The following EFCAB13 variants were observed in gnomAD, a reference collection of about 807,000 sequenced individuals.
EFCAB13 encodes the protein EF-hand calcium binding domain 13.
A neutral mutation model predicts 110.2 loss-of-function variants in EFCAB13; 91 were observed. The ratio of observed to expected loss-of-function variants is 0.83; its 90% confidence interval spans 0.70 to 0.98. The LOEUF is 0.98. Ranked by LOEUF, EFCAB13 falls within the 50% of genes least tolerant of loss-of-function variation. The pLI, the probability that EFCAB13 is intolerant of heterozygous loss-of-function variation, is 0.00. For synonymous variants in EFCAB13, 323 were observed against 369.9 expected, an observed-to-expected ratio of 0.87 and a Z score of 1.45; for missense variants, 968 against 1,119.4, an observed-to-expected ratio of 0.86 and a Z score of 1.93.
At chr17:47,357,677 A>C (rs1457078855) in intron 9 of EFCAB13, among the ~76,000 whole-genome samples, 1 of 152,220 alleles carries the variant, frequency 6.6e-6, no homozygotes, top group African/African-American at 2.4e-5. Flanking sequence ...GGCCTCCCAA[A>C]GTTCTGGGAT....
intron 23 of EFCAB13, 115 bp downstream of exon 23, chr17:47,415,034 A>T (rs1187793388): frequency 1.5e-6 from 1 of 685,128 alleles, no homozygotes; most frequent in East Asian, 3.0e-5. Context: ...TGGCACATAG[A>T]CACCATGGAA....
chr17:47,424,051 G>A (rs1277324373), intron 23 of EFCAB13, among the ~76,000 whole-genome samples: 3 of 152,146 alleles, frequency 2.0e-5, no homozygotes, highest in African/African-American at 7.2e-5. Context: ...TCCGGGAGGT[G>A]CGCGCTCGGG....
intron 9 of EFCAB13, among the ~76,000 whole-genome samples, chr17:47,360,645 C>A (rs113729384): frequency 0.065 from 9,918 of 152,162 alleles, 379 homozygotes; most frequent in East Asian, 0.17. Context: ...TCCTATTTGT[C>A]AATTTTGGCT....
At chr17:47,421,540 T>C (rs1598762892) in intron 23 of EFCAB13, among the ~76,000 whole-genome samples, 4 of 151,644 alleles carry the variant, frequency 2.6e-5, no homozygotes, top group Admixed American at 2.6e-4. Flanking sequence ...CTTTGTTCAC[T>C]TGTTTATCTG....
chr17:47,436,313 T>G (rs1013070803), intron 24 of EFCAB13, among the ~76,000 whole-genome samples: 1 of 152,164 alleles, frequency 6.6e-6, no homozygotes, highest in African/African-American at 2.4e-5. Context: ...GGGTTCCTTC[T>G]TTCTCTGTCT....
intron 20 of EFCAB13, among the ~76,000 whole-genome samples, chr17:47,405,549 T>C (rs181477402): frequency 1.8e-3 from 277 of 152,268 alleles, no homozygotes; most frequent in African/African-American, 6.0e-3. Flanking sequence ...TTGCCATCTT[T>C]TGTTTCATTT....
At chr17:47,328,906 A>AAAAAGG (rs2065303577) in intron 4 of EFCAB13, 1 of 152,250 alleles carries the variant, frequency 6.6e-6, no homozygotes, top group Admixed American at 6.5e-5. Flanking sequence ...TTGCAAGAGA[A>AAAAAGG]AAAAGGGACT....
intron 23 of EFCAB13, among the ~76,000 whole-genome samples, chr17:47,421,855 C>T (rs185646061): frequency 5.1e-4 from 77 of 152,232 alleles, no homozygotes; most frequent in Admixed American, 6.5e-5. Context: ...CAGGTTCAGA[C>T]GGCTTCATTG....
In EFCAB13 at chr17:47,366,635, A is replaced by G. The variant is rs2065547940; in HGVS notation, c.806-3802A>G. ...GGAAATAAGTGATACCTATGACCAT[A>G]TTGATTGCCTTAGTTTCAACCAGGA... is the stretch of plus-strand genomic sequence containing the variant. On this transcript the variant is annotated intron_variant, in intron 10 of 24. Transcript: ENST00000331493. 2.6e-5 allele frequency among the ~76,000 whole-genome samples: 4 copies of G among 152,164 alleles called. No homozygotes were observed. In the South Asian group the frequency reaches 8.3e-4, roughly 31 times the overall value.
At chr17:47,324,884 T>C (rs756094377) in intron 2 of EFCAB13, among the ~76,000 whole-genome samples, 35 of 148,686 alleles carry the variant, frequency 2.4e-4, no homozygotes, top group Non-Finnish European at 4.2e-4. Context: ...TCAATTTCTT[T>C]ACCCCGTTCT....
chr17:47,415,616 T>C (rs1904416572), intron 23 of EFCAB13, among the ~76,000 whole-genome samples: 1 of 152,192 alleles, frequency 6.6e-6, no homozygotes, highest in African/African-American at 2.4e-5. Flanking sequence ...CAATGACTTG[T>C]GGATCTATGA....
chr17:47,355,810 A>C (rs2065477698), intron 9 of EFCAB13, among the ~76,000 whole-genome samples: 1 of 151,728 alleles, frequency 6.6e-6, no homozygotes, highest in South Asian at 2.1e-4. Flanking sequence ...TGACCTCATG[A>C]TCCGCCTGCC....
Position 47,379,251 on chromosome 17 carries a change from A to G in EFCAB13, c.1580A>G (p.Asn527Ser), listed in dbSNP as rs756240247. ...LAKERSFPEC[N>S]ALPGVIKAID... is the part of the protein sequence containing the mutation. ...AAGGAGCGAAGTTTTCCTGAATGCA[A>G]TGGTAGGTAGGAAATTTGTTTTAAA... The change falls in exon 14 of 25, where the codon AAT (asparagine) becomes AGT (serine). Residue 527 changes from asparagine (N) to serine (S), a missense_variant and splice_region_variant. Coordinates refer to ENST00000331493, the MANE Select transcript of EFCAB13 (RefSeq NM_152347.5). 4 of 1,611,500 alleles carry G rather than the reference A, an allele frequency of 2.5e-6. No individual in the cohort carries two copies. Among genetic ancestry groups the G allele is most frequent in the Non-Finnish European group, 2.5e-6 (3 of 1,177,888 alleles).
At chr17:47,410,850 C>A (rs1449277197) in intron 21 of EFCAB13, among the ~76,000 whole-genome samples, 2 of 152,210 alleles carry the variant, frequency 1.3e-5, no homozygotes, top group Non-Finnish European at 2.9e-5. Context: ...AGCCTATCAT[C>A]AGTGGCTAGT....
At chr17:47,420,891 G>A (rs866754673) in intron 23 of EFCAB13, among the ~76,000 whole-genome samples, 1,239 of 109,830 alleles carry the variant, frequency 0.011, 13 homozygotes, top group African/African-American at 0.034. Context: ...CCGGCCAGCC[G>A]CCCCGTCTGG....
intron 6 of EFCAB13, 138 bp downstream of exon 6, chr17:47,342,170 T>G: frequency 3.9e-6 from 2 of 516,104 alleles, no homozygotes; most frequent in Middle Eastern, 4.3e-4. Context: ...TCTCCTCTTC[T>G]GTTCTTAATT....
intron 10 of EFCAB13, among the ~76,000 whole-genome samples, chr17:47,364,383 G>C (rs912893350): frequency 6.7e-6 from 1 of 150,368 alleles, no homozygotes; most frequent in Non-Finnish European, 1.5e-5. Flanking sequence ...GTGTGATCTC[G>C]GCTCACTGCA....
At chr17:47,388,806 T>C (rs906712773) in intron 14 of EFCAB13, among the ~76,000 whole-genome samples, 8 of 152,220 alleles carry the variant, frequency 5.3e-5, no homozygotes, top group African/African-American at 1.9e-4. Context: ...GGTGAATTTA[T>C]GTTTAACTCT....
At position 47,431,060 on chromosome 17, in the gene EFCAB13, A is replaced by G. The variant is rs1462786842; in HGVS notation, c.2638+1099A>G. Among the ~76,000 whole-genome samples, 1 of 152,124 alleles carries G rather than the reference A, an allele frequency of 6.6e-6. No homozygotes were observed. The highest frequency in any genetic ancestry group is 1.9e-4 in the East Asian group (1 of 5,200). Reference sequence around the variant, plus strand: ...GTATTCAATATATAATGATCAAATCAGGATAGTTGGGTTATCTGTTACCTC... The same window carrying G: ...GTATTCAATATATAATGATCAAATCGGGATAGTTGGGTTATCTGTTACCTC... On this transcript the variant is annotated intron_variant, in intron 24 of 24. Coordinates refer to ENST00000331493, the MANE Select transcript of EFCAB13 (RefSeq NM_152347.5). The surrounding 1 kb of genome is among the most constrained non-coding windows in gnomAD (Gnocchi z 4.1).
Sources: gnomAD v4.1 joint callset for allele counts (sites outside exome capture counted in the v4.1 genomes callset) on GRCh38, gnomAD v4.1.1 for gene constraint, Gnocchi (gnomAD v3.1) non-coding constraint, MANE v1.5 for transcripts, NCBI Gene and HGNC (gene_info 2026-07-23, HGNC 2026-07-21) for gene names.